Variants in NBAS observed in about 807,000 individuals in gnomAD.
NBAS encodes the protein NAG/BC035112 fusion.
A neutral mutation model predicts 302.5 loss-of-function variants in NBAS; 219 were observed. The ratio of observed to expected loss-of-function variants is 0.72; its 90% CI spans 0.65 to 0.81. The LOEUF (loss-of-function observed/expected upper bound fraction) is 0.81, where lower values mean the gene tolerates loss of function less well. Ranked by LOEUF, NBAS falls within the 30% of genes least tolerant of loss-of-function variation. The pLI, the probability that NBAS is intolerant of heterozygous loss-of-function variation, is 0.00. For missense variants in NBAS, 2,932 were observed against 2,841.6 expected, an observed-to-expected ratio of 1.03 and a Z score of -0.72; for synonymous variants, 1,118 against 1,021.6, an observed-to-expected ratio of 1.09 and a Z score of -1.80.
intron 48 of NBAS, among the ~76,000 whole-genome samples, chr2:15,213,170 G>A (rs1018267147): frequency 9.9e-5 from 15 of 152,168 alleles, no homozygotes; most frequent in Non-Finnish European, 1.6e-4. Flanking sequence ...CAGAGCTAGG[G>A]ACTGGTGGCT....
At chr2:15,196,465 A>G (rs2125152962) in intron 48 of NBAS, among the ~76,000 whole-genome samples, 1 of 152,328 alleles carries the variant, frequency 6.6e-6, no homozygotes, top group Admixed American at 6.5e-5. Flanking sequence ...ATTATTTCTT[A>G]CAACTGGATA....
the NBAS span, among the ~76,000 whole-genome samples, chr2:14,810,471 G>T: frequency 6.6e-6 from 1 of 152,166 alleles, no homozygotes; most frequent in African/African-American, 2.4e-5. Context: ...GACATGATTT[G>T]CTCTTCCTTG....
the NBAS span, among the ~76,000 whole-genome samples, chr2:15,144,374 TC>T: frequency 6.6e-6 from 1 of 152,042 alleles, no homozygotes; most frequent in Non-Finnish European, 1.5e-5. Context: ...CCCATCAACC[TC>T]CCAGCCTATT....
At chr2:15,322,390 A>AAAAT (rs748739395) in intron 38 of NBAS, among the ~76,000 whole-genome samples, 69 of 152,032 alleles carry the variant, frequency 4.5e-4, no homozygotes, top group East Asian at 3.1e-3. Flanking sequence ...AGTATAATAA[A>AAAAT]AAATAAATAA....
At chr2:15,500,996 C>T (rs2380655) in intron 11 of NBAS, among the ~76,000 whole-genome samples, 107,401 of 151,426 alleles carry the variant, frequency 0.71, 39,452 homozygotes, top group African/African-American at 0.89. Flanking sequence ...CTTATTTTAA[C>T]ATACTCTTTT....
chr2:15,447,795 C>T (rs543803838), intron 21 of NBAS, among the ~76,000 whole-genome samples: 5 of 152,258 alleles, frequency 3.3e-5, no homozygotes, highest in South Asian at 4.1e-4. Context: ...TCCTGTCTTA[C>T]TCCATTTATG....
At chr2:15,086,239 T>C in the NBAS span, among the ~76,000 whole-genome samples, 1 of 152,136 alleles carries the variant, frequency 6.6e-6, no homozygotes, top group Non-Finnish European at 1.5e-5. Context: ...GAGCAACCTA[T>C]CCCAGGGTCT....
chr2:15,255,153 T>C (rs1668535451), intron 44 of NBAS, among the ~76,000 whole-genome samples: 1 of 152,220 alleles, frequency 6.6e-6, no homozygotes, highest in Admixed American at 6.5e-5. Flanking sequence ...CTGTTTTCCA[T>C]AGTGGTTGTA....
chr2:14,914,581 C>G, the NBAS span, among the ~76,000 whole-genome samples: 1 of 152,190 alleles, frequency 6.6e-6, no homozygotes, highest in African/African-American at 2.4e-5. Context: ...TTTGCAGGAA[C>G]AGATTGGGGA....
chr2:15,409,455 T>A (rs946244249), intron 25 of NBAS, among the ~76,000 whole-genome samples: 2 of 152,232 alleles, frequency 1.3e-5, no homozygotes, highest in African/African-American at 4.8e-5. Flanking sequence ...TAACCCCATA[T>A]ATTTTTCATT....
At chr2:14,876,372 G>A in the NBAS span, among the ~76,000 whole-genome samples, 1 of 152,150 alleles carries the variant, frequency 6.6e-6, no homozygotes, top group Non-Finnish European at 1.5e-5. Flanking sequence ...TTATTCCCCA[G>A]TTTCCTTATG....
chr2:15,529,225 C>T (rs116961218), intron 9 of NBAS, among the ~76,000 whole-genome samples: 3,080 of 152,060 alleles, frequency 0.02, 70 homozygotes, highest in East Asian at 0.057. Flanking sequence ...ATTGGCAGGG[C>T]GTGGTGGCTC....
At chr2:15,337,258 C>A (rs1237016677) in intron 35 of NBAS, among the ~76,000 whole-genome samples, 1 of 152,000 alleles carries the variant, frequency 6.6e-6, no homozygotes, top group African/African-American at 2.4e-5. Context: ...GAGTTTGAAG[C>A]TGCAGTTAGC....
chr2:15,467,616 T>C (rs1307709502), intron 18 of NBAS, 48 bp downstream of exon 18: 2 of 1,545,790 alleles, frequency 1.3e-6, no homozygotes, highest in African/African-American at 2.7e-5. Flanking sequence ...ACTGAAATGA[T>C]TAGTTATTTT....
At chr2:15,189,421 C>G (rs1572418959) in intron 49 of NBAS, among the ~76,000 whole-genome samples, 1 of 152,108 alleles carries the variant, frequency 6.6e-6, no homozygotes, top group South Asian at 2.1e-4. Context: ...ACCTCAGACA[C>G]GTGGAGATGT....
chr2:14,891,935 T>A, the NBAS span, among the ~76,000 whole-genome samples: 1 of 152,174 alleles, frequency 6.6e-6, no homozygotes, highest in Admixed American at 6.5e-5. Context: ...GTAACATAGA[T>A]CAAATCCCAG....
At chr2:15,212,180 G>C (rs1172581660) in intron 48 of NBAS, among the ~76,000 whole-genome samples, 3 of 151,754 alleles carry the variant, frequency 2.0e-5, no homozygotes, top group African/African-American at 7.3e-5. Context: ...CCAACTTCAG[G>C]GCCAGTACAG....
At chr2:15,368,783 G>C (rs1674344883) in intron 31 of NBAS, among the ~76,000 whole-genome samples, 1 of 152,186 alleles carries the variant, frequency 6.6e-6, no homozygotes, top group South Asian at 2.1e-4. Flanking sequence ...CCACTTCTGA[G>C]TGAAAGCTGT....
chr2:15,143,953 G>A, the NBAS span, among the ~76,000 whole-genome samples: 5 of 150,294 alleles, frequency 3.3e-5, no homozygotes, highest in Non-Finnish European at 5.9e-5. Context: ...GAACTCGGAC[G>A]GGCTCTCCTT....
Sources: gnomAD v4.1 joint callset for allele counts (sites outside exome capture counted in the v4.1 genomes callset) on GRCh38, gnomAD v4.1.1 for gene constraint, MANE v1.5 for transcripts, NCBI Gene and HGNC (gene_info 2026-07-23, HGNC 2026-07-21) for gene names.